NLGN1: variants seen among roughly 807,000 people sequenced by gnomAD.
The protein encoded by NLGN1 is neuroligin 1, also known as neuroligin-1.
A neutral mutation model predicts 65.5 loss-of-function variants in NLGN1; 12 were observed. The ratio of observed to expected loss-of-function variants is 0.18; its 90% CI spans 0.12 to 0.30. NLGN1 has a LOEUF of 0.30. Among genes scored for constraint, NLGN1 ranks in the 10% least tolerant of loss-of-function variants. NLGN1 has a pLI of 1.00. For synonymous variants in NLGN1, 350 were observed against 359.5 expected (o/e 0.97, Z 0.30); for missense variants, 750 against 1,007.1 (o/e 0.74, Z 3.46).
chr3:173,618,117 C>T (rs779213997), intron 3 of NLGN1, among the ~76,000 whole-genome samples: 4 of 152,142 alleles, frequency 2.6e-5, no homozygotes, highest in Non-Finnish European at 4.4e-5. Context: ...GTGGGGTTCT[C>T]ATTCCTTATG....
At chr3:173,705,332 A>G (rs977056975) in intron 3 of NLGN1, among the ~76,000 whole-genome samples, 3 of 152,166 alleles carry the variant, frequency 2.0e-5, no homozygotes, top group African/African-American at 7.2e-5. Context: ...AAACATTTTC[A>G]TAGGAACCAA....
intron 3 of NLGN1, among the ~76,000 whole-genome samples, chr3:173,800,924 C>T (rs1268490763): frequency 6.6e-6 from 1 of 151,856 alleles, no homozygotes; most frequent in Non-Finnish European, 1.5e-5. Context: ...AAATTGTATA[C>T]ATAAGAAAAG....
At chr3:174,245,845 T>C (rs542811558) in intron 4 of NLGN1, among the ~76,000 whole-genome samples, 2 of 152,298 alleles carry the variant, frequency 1.3e-5, no homozygotes, top group East Asian at 3.9e-4. Context: ...GAAAGTCTCC[T>C]ATTAGATGGA....
intron 4 of NLGN1, among the ~76,000 whole-genome samples, chr3:173,968,320 C>G (rs534191051): frequency 4.3e-4 from 65 of 152,178 alleles, no homozygotes; most frequent in Non-Finnish European, 8.5e-4. Context: ...ATTTTATCTT[C>G]CATACAAGCT....
chr3:173,897,300 A>G (rs1196071162), intron 4 of NLGN1, among the ~76,000 whole-genome samples: 1 of 152,228 alleles, frequency 6.6e-6, no homozygotes, highest in Non-Finnish European at 1.5e-5. Context: ...ATAAAATCAT[A>G]AAATATCTAC....
intron 4 of NLGN1, among the ~76,000 whole-genome samples, chr3:174,173,461 G>A (rs1728907746): frequency 6.6e-6 from 1 of 151,950 alleles, no homozygotes. Context: ...ATATAAATCT[G>A]TCGAATTTGG....
chr3:173,726,018 G>A (rs1771706951), intron 3 of NLGN1, among the ~76,000 whole-genome samples: 1 of 152,082 alleles, frequency 6.6e-6, no homozygotes. Context: ...GGAGTCTTAT[G>A]TAACATAAAT....
intron 4 of NLGN1, among the ~76,000 whole-genome samples, chr3:174,153,270 A>G (rs1561170518): frequency 6.6e-6 from 1 of 152,146 alleles, no homozygotes; most frequent in South Asian, 2.1e-4. Context: ...CATTCATTGG[A>G]CAATGCTCAG....
At chr3:173,957,143 A>G (rs1003792541) in intron 4 of NLGN1, among the ~76,000 whole-genome samples, 1 of 152,160 alleles carries the variant, frequency 6.6e-6, no homozygotes, top group African/African-American at 2.4e-5. Context: ...TTTAAGATAA[A>G]TTTTAAATAT....
At chr3:173,831,825 A>G (rs976994615) in intron 4 of NLGN1, among the ~76,000 whole-genome samples, 6 of 152,202 alleles carry the variant, frequency 3.9e-5, no homozygotes, top group Non-Finnish European at 7.3e-5. Flanking sequence ...CAGTAGAGAC[A>G]CATACATAAT....
At position 173,912,638 on chromosome 3, in the gene NLGN1, TAGTA is replaced by T. The variant is rs1203336900; in HGVS notation, c.646+104808_646+104811del. 1.9e-4 allele frequency: 29 copies of T among 152,152 alleles called. 1 individual carries two copies. Among genetic ancestry groups the T allele is most frequent in the African/African-American group, 7.0e-4 (29 of 41,440 alleles). The allele number at this position is 152,152 out of a possible 1,614,324, so 9.4% of individuals were successfully genotyped here. On this transcript the variant is annotated intron_variant, in intron 4 of 6. Transcript: ENST00000457714. Reference sequence around the variant, plus strand: ...CATTCCTAGAATTAGAAAAATGAGTTAGTAAACTGTATAAATGAGGTGTATCAAC... The same window carrying T: ...CATTCCTAGAATTAGAAAAATGAGTTAACTGTATAAATGAGGTGTATCAAC...
chr3:173,771,706 T>C (rs1779611248), intron 3 of NLGN1, among the ~76,000 whole-genome samples: 1 of 152,220 alleles, frequency 6.6e-6, no homozygotes, highest in Non-Finnish European at 1.5e-5. Flanking sequence ...AAACATGTAA[T>C]GGTAACAACA....
In NLGN1 at chr3:174,108,039, T is replaced by G. The variant is rs142745827; in HGVS notation, c.647-167276T>G. On this transcript the variant is annotated intron_variant, in intron 4 of 6. Transcript: ENST00000457714. ...TTGTACCATATTTTTATATTTTAAA[T>G]AGTAATATTTCGTTAAGTATGAAGT... 6.4e-4 allele frequency among the ~76,000 whole-genome samples: 98 copies of G among 152,296 alleles called. 1 individual carries two copies. The highest frequency in any genetic ancestry group is 2.3e-3 in the African/African-American group (96 of 41,584).
At chr3:173,644,894 G>A (rs571094684) in intron 3 of NLGN1, among the ~76,000 whole-genome samples, 1 of 152,362 alleles carries the variant, frequency 6.6e-6, no homozygotes, top group East Asian at 1.9e-4. Context: ...AGGGGGCATG[G>A]TCAGGTGGTG....
At chr3:173,782,840 G>A (rs563032114) in intron 3 of NLGN1, among the ~76,000 whole-genome samples, 2 of 151,552 alleles carry the variant, frequency 1.3e-5, no homozygotes, top group Non-Finnish European at 2.9e-5. Flanking sequence ...AGTATTTACA[G>A]CTAATTCAGT....
chr3:173,454,375 A>G (rs1722156208), intron 2 of NLGN1, among the ~76,000 whole-genome samples: 1 of 152,182 alleles, frequency 6.6e-6, no homozygotes. Flanking sequence ...TTTGAAGCCT[A>G]CAAGCCAGGC....
chr3:174,036,827 C>T (rs1231005872), intron 4 of NLGN1, among the ~76,000 whole-genome samples: 1 of 151,948 alleles, frequency 6.6e-6, no homozygotes, highest in Non-Finnish European at 1.5e-5. Flanking sequence ...ATCATTTAGC[C>T]CACTTATAAG....
chr3:173,994,036 G>T (rs1316285308), intron 4 of NLGN1, among the ~76,000 whole-genome samples: 1 of 151,992 alleles, frequency 6.6e-6, no homozygotes, highest in Admixed American at 6.6e-5. Flanking sequence ...TAAGTAGATT[G>T]CCATAAAGGA....
chr3:173,594,170 A>C (rs4521259), intron 2 of NLGN1, among the ~76,000 whole-genome samples: 137,249 of 152,160 alleles, frequency 0.9, 62,004 homozygotes, highest in South Asian at 0.94. Context: ...ATAATTAACC[A>C]AAAAGTCCAT....
Sources: allele counts gnomAD v4.1 joint callset (sites outside exome capture counted in the v4.1 genomes callset), GRCh38; gene constraint gnomAD v4.1.1; transcripts MANE v1.5; gene names NCBI Gene and HGNC (gene_info 2026-07-23, HGNC 2026-07-21).